The following KCNC2 variants were observed in gnomAD, a reference collection of about 807,000 sequenced individuals.
The protein encoded by KCNC2 is potassium voltage-gated channel subfamily C member 2.
KCNC2 carries 21 observed loss-of-function variants against 44.5 expected under a neutral mutation model. The observed-to-expected ratio is 0.47, with a 90% CI of 0.33 to 0.68. The LOEUF (loss-of-function observed/expected upper bound fraction) is 0.68. Ranked by LOEUF, KCNC2 falls within the 30% of genes least tolerant of loss-of-function variation. The pLI is 0.01. For missense variants in KCNC2, 589 were observed against 826.2 expected, an observed-to-expected ratio of 0.71 and a Z score of 3.52; for synonymous variants, 391 against 339.1, an observed-to-expected ratio of 1.15 and a Z score of -1.68.
Position 75,090,752 on chromosome 12 carries a change from G to A in KCNC2, c.688-39435C>T, listed in dbSNP as rs1471286665. Among the ~76,000 whole-genome samples the A allele has an allele frequency of 2.0e-5, 3 of 151,208 alleles. No homozygotes were observed. The East Asian group carries it at 5.8e-4, about 29-fold the overall frequency. On this transcript the variant is annotated intron_variant, in intron 2 of 4. Coordinates refer to ENST00000549446, the MANE Select transcript of KCNC2 (RefSeq NM_139137.4). ...TTAGAAATTATAATTAAAGCATGTA[G>A]CAAATTGTTGTTAATATCATCATTA...
chr12:75,079,541 T>C (rs1027193221), intron 2 of KCNC2, among the ~76,000 whole-genome samples: 1 of 152,160 alleles, frequency 6.6e-6, no homozygotes, highest in African/African-American at 2.4e-5. Context: ...TAAATGTAAA[T>C]ACGTTTCATT....
At chr12:75,057,395 A>T (rs1473015810) in intron 2 of KCNC2, among the ~76,000 whole-genome samples, 1 of 152,018 alleles carries the variant, frequency 6.6e-6, no homozygotes, top group African/African-American at 2.4e-5. Context: ...AGTAGGGTCC[A>T]CTGTCTGGTC....
chr12:75,058,590 T>C (rs1331284266), intron 2 of KCNC2, among the ~76,000 whole-genome samples: 1 of 152,086 alleles, frequency 6.6e-6, no homozygotes, highest in Non-Finnish European at 1.5e-5. Flanking sequence ...GATGTTCTGA[T>C]CCAGAAAAGT....
intron 2 of KCNC2, among the ~76,000 whole-genome samples, chr12:75,115,088 C>T (rs1023934171): frequency 1.3e-5 from 2 of 152,000 alleles, no homozygotes; most frequent in African/African-American, 2.4e-5. Flanking sequence ...TGGTCTCGAT[C>T]TCCTGACCTC....
rs368417398 is a variant in KCNC2 at position 75,055,466 on chromosome 12, C to T, written c.688-4149G>A. ...GGAAGAGAATCACACTGCCATCTCT[C>T]TCTGTCTTTTCCCTGTGATAAGACC... On this transcript the variant is annotated intron_variant, in intron 2 of 4. Coordinates refer to ENST00000549446, the MANE Select transcript of KCNC2 (RefSeq NM_139137.4). Among the ~76,000 whole-genome samples, 29 of 152,148 alleles carry T rather than the reference C, an allele frequency of 1.9e-4. No homozygotes were observed. In the East Asian group the frequency reaches 2.9e-3, roughly 15 times the overall value.
chr12:75,150,239 C>T (rs1027831925), intron 2 of KCNC2, among the ~76,000 whole-genome samples: 19 of 151,774 alleles, frequency 1.3e-4, no homozygotes, highest in African/African-American at 3.6e-4. Context: ...ATAAAATAAC[C>T]TCAATGATCT....
At chr12:75,065,869 T>G (rs2137009702) in intron 2 of KCNC2, among the ~76,000 whole-genome samples, 1 of 152,266 alleles carries the variant, frequency 6.6e-6, no homozygotes, top group South Asian at 2.1e-4. Context: ...AAATTTTAAT[T>G]TTCTAACTGC....
At chr12:75,069,517 T>C (rs1400340283) in intron 2 of KCNC2, among the ~76,000 whole-genome samples, 3 of 152,162 alleles carry the variant, frequency 2.0e-5, no homozygotes, top group African/African-American at 4.8e-5. Flanking sequence ...TCCGGCAGAC[T>C]AAGATTTCAC....
chr12:75,163,457 A>G (rs1030205964), intron 2 of KCNC2, among the ~76,000 whole-genome samples: 2 of 151,754 alleles, frequency 1.3e-5, no homozygotes, highest in African/African-American at 2.4e-5. Flanking sequence ...CATTTGGAAC[A>G]AATGCATTTA....
At position 75,207,737 on chromosome 12, in the gene KCNC2, C is replaced by T. The variant is rs554496008; in HGVS notation, c.247G>A (p.Gly83Ser). ...GPGGCFEGGAGNCSSRGGRAS... is the reference protein window; with the variant it reads ...GPGGCFEGGASNCSSRGGRAS... ...CTGCCGCCGCGGGAACTGCAGTTGC[C>T]CGCGCCGCCCTCGAAGCAGCCGCCT... Residue 83 changes from glycine to serine, a missense_variant, in exon 2 of 5, where the codon GGC becomes AGC. This residue lies in a region of KCNC2 where 148 missense variants were observed against 140.1 expected (regional missense o/e 1.06). Coordinates refer to ENST00000549446, the MANE Select transcript of KCNC2 (RefSeq NM_139137.4). The surrounding 1 kb of genome is among the most constrained non-coding windows in gnomAD (Gnocchi z 4.1). 28 of 1,567,736 alleles carry T rather than the reference C, an allele frequency of 1.8e-5. No individual in the cohort carries two copies. The highest frequency in any genetic ancestry group is 1.5e-4 in the Admixed American group (8 of 53,306).
At chr12:75,141,581 T>G (rs1889655048) in intron 2 of KCNC2, among the ~76,000 whole-genome samples, 1 of 151,256 alleles carries the variant, frequency 6.6e-6, no homozygotes. Context: ...GAATCAATGA[T>G]TTCCATTTAA....
At chr12:75,142,809 CTTT>C (rs1441069305) in intron 2 of KCNC2, among the ~76,000 whole-genome samples, 1 of 152,122 alleles carries the variant, frequency 6.6e-6, no homozygotes, top group East Asian at 1.9e-4. Flanking sequence ...GCTAGGTTGT[CTTT>C]TATGACCTAA....
At chr12:75,202,294 T>G (rs974960136) in intron 2 of KCNC2, among the ~76,000 whole-genome samples, 1 of 151,904 alleles carries the variant, frequency 6.6e-6, no homozygotes, top group Admixed American at 6.6e-5. Context: ...CATATGTATA[T>G]CACTTGTATG....
chr12:75,119,618 C>A (rs1161674019), intron 2 of KCNC2, among the ~76,000 whole-genome samples: 1 of 152,166 alleles, frequency 6.6e-6, no homozygotes, highest in Non-Finnish European at 1.5e-5. Flanking sequence ...GCATTGTTTG[C>A]ATTTAGTAAA....
intron 4 of KCNC2, among the ~76,000 whole-genome samples, chr12:75,045,863 AG>A (rs1284522491): frequency 1.3e-5 from 2 of 151,950 alleles, no homozygotes; most frequent in Non-Finnish European, 2.9e-5. Context: ...GTGGGAATCC[AG>A]TAATTTATTT....
intron 2 of KCNC2, among the ~76,000 whole-genome samples, chr12:75,131,961 G>A (rs529864084): frequency 2.6e-5 from 4 of 152,238 alleles, no homozygotes; most frequent in African/African-American, 7.2e-5. Flanking sequence ...TTTAAACCAC[G>A]AAGATTGTGT....
At chr12:75,094,475 G>A (rs377699457) in intron 2 of KCNC2, among the ~76,000 whole-genome samples, 94 of 151,648 alleles carry the variant, frequency 6.2e-4, no homozygotes, top group East Asian at 4.9e-3. Context: ...TGCTCTCTTA[G>A]CTTAAAAGCT....
At chr12:75,057,846 T>C (rs1277362138) in intron 2 of KCNC2, among the ~76,000 whole-genome samples, 1 of 151,882 alleles carries the variant, frequency 6.6e-6, no homozygotes, top group Non-Finnish European at 1.5e-5. Context: ...ATGTGGTCCC[T>C]GATAAATATC....
At chr12:75,106,539 G>A (rs979984987) in intron 2 of KCNC2, among the ~76,000 whole-genome samples, 3 of 152,170 alleles carry the variant, frequency 2.0e-5, no homozygotes, top group African/African-American at 7.2e-5. Context: ...CTTGCAGGGA[G>A]AGGAAAAGTT....
Sources: gnomAD v4.1 joint callset for allele counts (sites outside exome capture counted in the v4.1 genomes callset) on GRCh38, gnomAD v4.1.1 for gene constraint, gnomAD v4.1.1 regional missense constraint, Gnocchi (gnomAD v3.1) non-coding constraint, MANE v1.5 for transcripts, NCBI Gene and HGNC (gene_info 2026-07-23, HGNC 2026-07-21) for gene names.